DKK2: variants seen among roughly 807,000 people sequenced by gnomAD.
DKK2 encodes the protein dickkopf Wnt signaling pathway inhibitor 2.
Under a neutral mutation model 28.1 loss-of-function variants are expected in DKK2, and 11 were observed. The ratio of observed to expected loss-of-function variants is 0.39; its 90% CI spans 0.25 to 0.65. The LOEUF (loss-of-function observed/expected upper bound fraction) is 0.65, where lower values mean the gene tolerates loss of function less well. Ranked by LOEUF, DKK2 falls within the 30% of genes least tolerant of loss-of-function variation. The probability of loss-of-function intolerance (pLI) is 0.47; values close to 1 mark genes in which losing one functional copy is unlikely to be tolerated. For synonymous variants in DKK2, 135 were observed against 126.5 expected (o/e 1.07, Z -0.45); for missense variants, 326 against 335.5 (o/e 0.97, Z 0.22).
intron 1 of DKK2, among the ~76,000 whole-genome samples, chr4:106,999,575 G>A (rs1723327512): frequency 1.3e-5 from 2 of 152,040 alleles, no homozygotes; most frequent in Admixed American, 6.5e-5. Flanking sequence ...TCAATCTCTT[G>A]ACTGCATGAT....
At chr4:106,971,259 A>G (rs1439327679) in intron 1 of DKK2, among the ~76,000 whole-genome samples, 1 of 152,096 alleles carries the variant, frequency 6.6e-6, no homozygotes, top group Non-Finnish European at 1.5e-5. Flanking sequence ...TTGATATGCA[A>G]TTTCTTTGTG....
intron 1 of DKK2, among the ~76,000 whole-genome samples, chr4:107,031,656 A>G (rs1183345521): frequency 6.6e-6 from 1 of 152,060 alleles, no homozygotes; most frequent in Non-Finnish European, 1.5e-5. Context: ...AAATATCACT[A>G]TTCTAGTCAC....
At chr4:107,002,308 T>C (rs1375009377) in intron 1 of DKK2, among the ~76,000 whole-genome samples, 4 of 152,218 alleles carry the variant, frequency 2.6e-5, no homozygotes, top group African/African-American at 9.6e-5. Context: ...TAAGTATTGA[T>C]GATGTGTGGC....
At chr4:106,926,208 A>G (rs1724424173) in intron 1 of DKK2, among the ~76,000 whole-genome samples, 1 of 152,138 alleles carries the variant, frequency 6.6e-6, no homozygotes, top group African/African-American at 2.4e-5. Context: ...TAGAGTTAGA[A>G]TTTAGACTTT....
At chr4:106,931,377 G>T (rs1724502267) in intron 1 of DKK2, among the ~76,000 whole-genome samples, 1 of 151,782 alleles carries the variant, frequency 6.6e-6, no homozygotes, top group African/African-American at 2.4e-5. Context: ...GAAACTACTA[G>T]GTCAGTGACA....
chr4:106,952,172 T>C (rs1724868899), intron 1 of DKK2, among the ~76,000 whole-genome samples: 1 of 152,184 alleles, frequency 6.6e-6, no homozygotes, highest in African/African-American at 2.4e-5. Context: ...AATGAATTGC[T>C]AAGCTGTTCT....
chr4:106,933,976 G>C (rs1299950250), intron 1 of DKK2, among the ~76,000 whole-genome samples: 1 of 151,228 alleles, frequency 6.6e-6, no homozygotes, highest in Non-Finnish European at 1.5e-5. Flanking sequence ...GTGTGTGTGT[G>C]TGTGTGTGTG....
At chr4:106,997,517 A>G (rs576346352) in intron 1 of DKK2, among the ~76,000 whole-genome samples, 1 of 152,166 alleles carries the variant, frequency 6.6e-6, no homozygotes, top group South Asian at 2.1e-4. Flanking sequence ...CATCAACAAA[A>G]CTCTATCCAG....
At chr4:106,992,892 C>T (rs1291821678) in intron 1 of DKK2, among the ~76,000 whole-genome samples, 1 of 152,204 alleles carries the variant, frequency 6.6e-6, no homozygotes, top group South Asian at 2.1e-4. Context: ...GCATAGATGT[C>T]TAACTGGGAC....
At chr4:106,938,081 A>T (rs1456043996) in intron 1 of DKK2, among the ~76,000 whole-genome samples, 1 of 144,884 alleles carries the variant, frequency 6.9e-6, no homozygotes, top group Non-Finnish European at 1.5e-5. Context: ...GAGCAAACAC[A>T]TTCAAAAGCT....
intron 1 of DKK2, among the ~76,000 whole-genome samples, chr4:107,026,888 GCTGCATATTC>G (rs1032544334): frequency 3.3e-5 from 5 of 152,124 alleles, no homozygotes; most frequent in Non-Finnish European, 7.3e-5. Context: ...AAAGTAGATG[GCTGCATATTC>G]CAAAAAGGAA....
At chr4:107,012,526 G>A (rs984845514) in intron 1 of DKK2, among the ~76,000 whole-genome samples, 1 of 151,182 alleles carries the variant, frequency 6.6e-6, no homozygotes, top group African/African-American at 2.4e-5. Context: ...TCTAAGTTAG[G>A]TAAGAAGTAC....
At position 106,956,709 on chromosome 4, in the gene DKK2, C is replaced by T. The variant is rs1722599447; in HGVS notation, c.223-30760G>A. On this transcript the variant is annotated intron_variant, in intron 1 of 3. Coordinates refer to ENST00000285311, the MANE Select transcript of DKK2 (RefSeq NM_014421.3). ...AAACTGGCTAGCCATATGTAGAAAG[C>T]TGAAGCTGGATCCCTTCCTTACACC... Among the ~76,000 whole-genome samples the T allele has an allele frequency of 2.0e-5, 3 of 152,078 alleles. No individual in the cohort carries two copies. The South Asian group carries it at 6.2e-4, about 32-fold the overall frequency.
intron 1 of DKK2, among the ~76,000 whole-genome samples, chr4:107,014,468 G>A (rs1396630862): frequency 1.3e-5 from 2 of 151,308 alleles, no homozygotes; most frequent in Admixed American, 6.6e-5. Flanking sequence ...CTACAGTAGT[G>A]TTTACCAGAG....
At chr4:106,937,769 C>G (rs1483716630) in intron 1 of DKK2, among the ~76,000 whole-genome samples, 1 of 148,832 alleles carries the variant, frequency 6.7e-6, no homozygotes, top group Non-Finnish European at 1.5e-5. Context: ...CAAACTATCT[C>G]TCAGACCACA....
intron 1 of DKK2, among the ~76,000 whole-genome samples, chr4:107,015,438 G>A (rs974264994): frequency 2.0e-5 from 3 of 151,474 alleles, no homozygotes; most frequent in Admixed American, 6.6e-5. Flanking sequence ...ATAGGATTTT[G>A]TGTATATTCT....
intron 1 of DKK2, among the ~76,000 whole-genome samples, chr4:106,985,522 A>G (rs1006227835): frequency 6.6e-6 from 1 of 151,874 alleles, no homozygotes; most frequent in African/African-American, 2.4e-5. Flanking sequence ...TAAAATTAAG[A>G]CGGGGGCCAG....
At position 107,035,602 on chromosome 4, in the gene DKK2, G is replaced by A. The variant is rs372421860; in HGVS notation, c.-11C>T. On this transcript the variant is annotated 5_prime_UTR_variant, in exon 1 of 4. Transcript: ENST00000285311. Reference sequence around the variant, plus strand: ...CATCAACGCGGCCATCTCCCGGCGAGGGGGTCCCCAGGAAGACGCAAAGCC... The same window carrying A: ...CATCAACGCGGCCATCTCCCGGCGAAGGGGTCCCCAGGAAGACGCAAAGCC... 6 of 1,613,266 alleles carry A rather than the reference G, an allele frequency of 3.7e-6. No homozygotes were observed. The African/African-American group carries it at 8.0e-5, about 21-fold the overall frequency.
At chr4:106,925,403 G>T (rs1333961913) in intron 2 of DKK2, among the ~76,000 whole-genome samples, 1 of 152,156 alleles carries the variant, frequency 6.6e-6, no homozygotes. Flanking sequence ...ACTACCATAA[G>T]ACTGAGCCAC....
Sources: allele counts gnomAD v4.1 joint callset (sites outside exome capture counted in the v4.1 genomes callset), GRCh38; gene constraint gnomAD v4.1.1; transcripts MANE v1.5; gene names NCBI Gene and HGNC (gene_info 2026-07-23, HGNC 2026-07-21).